Variants in MYBPC1 observed in about 807,000 individuals in gnomAD.
MYBPC1 encodes the protein myosin-binding protein C, slow-type.
A neutral mutation model predicts 147.1 loss-of-function variants in MYBPC1; 52 were observed. The observed-to-expected ratio is 0.35, with a 90% CI of 0.28 to 0.45. The LOEUF (loss-of-function observed/expected upper bound fraction) is 0.45. Among genes scored for constraint, MYBPC1 ranks in the 20% least tolerant of loss-of-function variants. The pLI, the probability that MYBPC1 is intolerant of heterozygous loss-of-function variation, is 1.00. For synonymous variants in MYBPC1, 477 were observed against 475.9 expected, an observed-to-expected ratio of 1.00 and a Z score of -0.03; for missense variants, 1,228 against 1,440.3, an observed-to-expected ratio of 0.85 and a Z score of 2.39.
rs376658419 is a variant in MYBPC1, at chr12:101,642,597, C to T, written c.832+12C>T. On this transcript the variant is annotated intron_variant, in intron 11 of 31. Transcript: ENST00000361466. ...GAAGAAGAGCGCAGGTGAGCGCTCC[C>T]GGGGGCGAGGCAGCGGCCGAGGGGC... 11 of 1,605,346 alleles carry T rather than the reference C, an allele frequency of 6.9e-6. No individual in the cohort carries two copies. The South Asian group carries it at 1.0e-4, about 15-fold the overall frequency.
chr12:101,629,359 A>G, intron 5 of MYBPC1, 75 bp from the exon 6 acceptor site: 2 of 998,590 alleles, frequency 2.0e-6, no homozygotes, highest in Non-Finnish European at 3.2e-6. Context: ...GTTGGTGAGA[A>G]CAACAAATCC....
intron 8 of MYBPC1, among the ~76,000 whole-genome samples, 173 bp from the exon 9 acceptor site, chr12:101,634,381 A>C (rs1179025655): frequency 1.3e-5 from 2 of 152,180 alleles, no homozygotes; most frequent in Non-Finnish European, 2.9e-5. Context: ...TTGGTTCTTC[A>C]TGAGGGAGGA....
intron 23 of MYBPC1, chr12:101,670,069 A>G (rs1019588296): frequency 5.2e-6 from 3 of 574,758 alleles, no homozygotes; most frequent in African/African-American, 1.9e-5. Context: ...AAAGCCAAGG[A>G]TGTCAGGGAT....
chr12:101,685,414 A>G (rs1191856845), intron 31 of MYBPC1, among the ~76,000 whole-genome samples, 168 bp from the exon 32 acceptor site: 1 of 152,204 alleles, frequency 6.6e-6, no homozygotes, highest in Non-Finnish European at 1.5e-5. Flanking sequence ...TAAATTCTAA[A>G]TGTACTAAAT....
In MYBPC1 at chr12:101,631,617, G is replaced by A; in HGVS notation, c.336G>A (p.Leu112=). 3 of 1,614,184 alleles carry A rather than the reference G, an allele frequency of 1.9e-6. No homozygotes were observed. Among genetic ancestry groups the A allele is most frequent in the Non-Finnish European group, 2.5e-6 (3 of 1,180,032 alleles). The change falls in exon 7 of 32, where the codon CTG becomes CTA. Residue 112 remains leucine (L), a synonymous_variant. Coordinates refer to ENST00000361466, the MANE Select transcript of MYBPC1 (RefSeq NM_002465.4). ...CCAAAGTCAAGGCTGAAGATCTTCT[G>A]AGAAAACCCACTATCAAATGGTTCA... The part of the protein sequence containing the change: ...FIAKVKAEDL[L]RKPTIKWFKG...
chr12:101,648,478 T>C (rs1332278052), intron 14 of MYBPC1, among the ~76,000 whole-genome samples: 1 of 152,230 alleles, frequency 6.6e-6, no homozygotes, highest in Non-Finnish European at 1.5e-5. Flanking sequence ...CCTCTCACTA[T>C]GCCATATTGG....
intron 18 of MYBPC1, among the ~76,000 whole-genome samples, chr12:101,658,933 C>T (rs768645767): frequency 6.6e-6 from 1 of 151,820 alleles, no homozygotes; most frequent in African/African-American, 2.4e-5. Flanking sequence ...TCTGTTTTTC[C>T]TCTTTGTATA....
intron 2 of MYBPC1, chr12:101,614,980 A>C (rs558102495): frequency 4.1e-6 from 1 of 243,366 alleles, no homozygotes; most frequent in South Asian, 5.4e-5. Context: ...ATATGTCACT[A>C]TTGAGCACCT....
chr12:101,688,774 A>G (rs1951381875), downstream of MYBPC1, among the ~76,000 whole-genome samples: 1 of 151,238 alleles, frequency 6.6e-6, no homozygotes, highest in Non-Finnish European at 1.5e-5. Flanking sequence ...TAGCCTGGGC[A>G]AGATAACAAA....
chr12:101,689,316 AG>A (rs1951387581), downstream of MYBPC1, among the ~76,000 whole-genome samples: 1 of 150,260 alleles, frequency 6.7e-6, no homozygotes, highest in Admixed American at 6.6e-5. Flanking sequence ...AGAGAAGGAA[AG>A]GCCTCTGGTC....
At chr12:101,646,453 G>T (rs894034886) in intron 12 of MYBPC1, among the ~76,000 whole-genome samples, 1 of 152,050 alleles carries the variant, frequency 6.6e-6, no homozygotes, top group Non-Finnish European at 1.5e-5. Context: ...AGACAAACCT[G>T]GGCAAGATGG....
At chr12:101,664,046 CT>C (rs1897027741) in intron 22 of MYBPC1, among the ~76,000 whole-genome samples, 1 of 152,096 alleles carries the variant, frequency 6.6e-6, no homozygotes, top group African/African-American at 2.4e-5. Flanking sequence ...TTAAGAACTG[CT>C]CTTAGTTTTA....
intron 1 of MYBPC1, among the ~76,000 whole-genome samples, chr12:101,606,708 T>C (rs1882338749): frequency 6.6e-6 from 1 of 152,176 alleles, no homozygotes; most frequent in South Asian, 2.1e-4. Flanking sequence ...AGCAAGTAAC[T>C]GTGAAAATGT....
chr12:101,629,480 G>A lies in MYBPC1; in HGVS notation c.225G>A (p.Gln75=). ...ETPPGEEQAK[Q]NANSQLSILF... ...CTCCTGGGGAGGAACAAGCCAAGCA[G>A]AATGCCAACTCCCAGCTGTCCATCT... is the stretch of plus-strand genomic sequence containing the variant. The change falls in exon 6 of 32, where the codon CAG becomes CAA. Residue 75 remains glutamine, a synonymous_variant. Coordinates refer to ENST00000361466, the MANE Select transcript of MYBPC1 (RefSeq NM_002465.4). 1 of 1,614,008 alleles carries A rather than the reference G, an allele frequency of 6.2e-7. No homozygotes were observed.
chr12:101,634,059 G>A (rs1890509917), intron 8 of MYBPC1, among the ~76,000 whole-genome samples: 1 of 152,158 alleles, frequency 6.6e-6, no homozygotes, highest in South Asian at 2.1e-4. Context: ...ACCACGGCCG[G>A]CTAATTTTGT....
chr12:101,646,295 T>C (rs1029377780), intron 12 of MYBPC1, among the ~76,000 whole-genome samples: 1 of 144,618 alleles, frequency 6.9e-6, no homozygotes, highest in African/African-American at 2.6e-5. Context: ...TAAAAATTGG[T>C]TTTTTTTTTT....
chr12:101,636,563 C>A, intron 9 of MYBPC1, 109 bp from the exon 10 acceptor site: 1 of 860,538 alleles, frequency 1.2e-6, no homozygotes, highest in Admixed American at 1.9e-5. Flanking sequence ...TTGATTTAGT[C>A]CTTGTGTGGC....
chr12:101,653,490 G>GAA (rs11451200), intron 18 of MYBPC1, among the ~76,000 whole-genome samples: 10 of 151,840 alleles, frequency 6.6e-5, no homozygotes, highest in Non-Finnish European at 1.3e-4. Context: ...GATGCACAGT[G>GAA]AAAAAGCCTC....
At chr12:101,641,882 A>T (rs1892130402) in intron 10 of MYBPC1, among the ~76,000 whole-genome samples, 1 of 151,986 alleles carries the variant, frequency 6.6e-6, no homozygotes, top group Admixed American at 6.6e-5. Context: ...CTTAGTTACT[A>T]ATATGGTAGG....
Sources: allele counts gnomAD v4.1 joint callset (sites outside exome capture counted in the v4.1 genomes callset), GRCh38; gene constraint gnomAD v4.1.1; transcripts MANE v1.5; gene names NCBI Gene and HGNC (gene_info 2026-07-23, HGNC 2026-07-21).